DPYD: variants seen among roughly 807,000 people sequenced by gnomAD.
The protein encoded by DPYD is dihydropyrimidine dehydrogenase [NADP(+)].
A neutral mutation model predicts 116.2 loss-of-function variants in DPYD; 109 were observed. The ratio of observed to expected loss-of-function variants is 0.94; its 90% CI spans 0.80 to 1.10. The LOEUF is 1.10. DPYD is among the 50% of genes least tolerant of loss of function. The probability of loss-of-function intolerance (pLI) is 0.00; values close to 1 mark genes in which losing one functional copy is unlikely to be tolerated. For missense variants in DPYD, 1,302 were observed against 1,254.5 expected (o/e 1.04, Z -0.57); for synonymous variants, 440 against 432.0 (o/e 1.02, Z -0.23).
At chr1:97,308,044 C>T (rs2101046519) in intron 16 of DPYD, among the ~76,000 whole-genome samples, 1 of 151,800 alleles carries the variant, frequency 6.6e-6, no homozygotes, top group South Asian at 2.1e-4. Context: ...TATTTGGTTC[C>T]AATAGAGTAA....
In DPYD at chr1:97,464,283, TAAAG is replaced by T. The variant is rs146215748; in HGVS notation, c.1741-14064_1741-14061del. Among the ~76,000 whole-genome samples, 301 of 116,164 alleles carry T rather than the reference TAAAG, an allele frequency of 2.6e-3. 4 individuals are homozygous for T. The highest frequency in any genetic ancestry group is 7.2e-3 in the African/African-American group (241 of 33,244). The allele number at this position is 116,164 out of a possible 152,430, so 76.2% of individuals were successfully genotyped here. On this transcript the variant is annotated intron_variant, in intron 13 of 22. Transcript: ENST00000370192. ...TAAAATAAAATAAAATAAAATAAAA[TAAAG>T]AAAAGAAAATTTTCAACCTGGCAAT...
chr1:97,638,502 G>C (rs909293894), intron 8 of DPYD, among the ~76,000 whole-genome samples: 2 of 152,230 alleles, frequency 1.3e-5, no homozygotes, highest in Non-Finnish European at 2.9e-5. Flanking sequence ...GAAAATTCAA[G>C]AATTAAGTTG....
chr1:97,389,019 A>C (rs1264268073), intron 14 of DPYD, among the ~76,000 whole-genome samples: 1 of 152,150 alleles, frequency 6.6e-6, no homozygotes, highest in Non-Finnish European at 1.5e-5. Context: ...TTCGATGTGG[A>C]AAAAGTAAAA....
chr1:97,822,388 T>A (rs968742638), intron 3 of DPYD, among the ~76,000 whole-genome samples: 1 of 144,056 alleles, frequency 6.9e-6, no homozygotes, highest in Non-Finnish European at 1.6e-5. Context: ...AATATGAATA[T>A]ATAAATAATA....
intron 8 of DPYD, among the ~76,000 whole-genome samples, chr1:97,663,482 C>T (rs1451674559): frequency 6.6e-6 from 1 of 152,176 alleles, no homozygotes; most frequent in African/African-American, 2.4e-5. Flanking sequence ...GTTTCCTGCT[C>T]TCAGCTCTTG....
intron 14 of DPYD, among the ~76,000 whole-genome samples, chr1:97,419,075 T>A (rs1029118748): frequency 1.3e-5 from 2 of 152,148 alleles, no homozygotes; most frequent in Non-Finnish European, 2.9e-5. Context: ...CTTTTTCTTA[T>A]CTAAGTGCTT....
At chr1:97,338,229 T>A (rs1669404992) in intron 16 of DPYD, among the ~76,000 whole-genome samples, 1 of 152,172 alleles carries the variant, frequency 6.6e-6, no homozygotes, top group Admixed American at 6.5e-5. Flanking sequence ...TAAAAAAAAT[T>A]GTATACGGTA....
chr1:97,121,824 A>C lies in DPYD; in HGVS notation c.2623-23192T>G, dbSNP rs373143312. 1.6e-3 allele frequency among the ~76,000 whole-genome samples: 243 copies of C among 152,294 alleles called. 4 individuals are homozygous for C. In the South Asian group the frequency reaches 0.049, roughly 31 times the overall value. On this transcript the variant is annotated intron_variant, in intron 20 of 22. Coordinates refer to ENST00000370192, the MANE Select transcript of DPYD (RefSeq NM_000110.4). ...TTGGGCTCGAAAAAAGGCTTCAGCT[A>C]TTAGTCCAGCATGCTGTAAGCAAAG...
chr1:97,799,756 C>A (rs1326720263), intron 3 of DPYD, among the ~76,000 whole-genome samples: 1 of 151,904 alleles, frequency 6.6e-6, no homozygotes, highest in Non-Finnish European at 1.5e-5. Context: ...AAAAGATAAT[C>A]TTCAATAAAT....
At position 97,546,765 on chromosome 1, in the gene DPYD, T is replaced by A; in HGVS notation, c.1524+2795A>T. ...GCAAGCCTGGAAATTATCAGTATAC[T>A]GTGTTTCTGAGATCAGACTCCTATA... On this transcript the variant is annotated intron_variant, in intron 12 of 22. Transcript: ENST00000370192. The A allele has an allele frequency of 5.6e-6, 9 of 1,613,194 alleles. No individual in the cohort carries two copies. In the South Asian group the frequency reaches 9.9e-5, roughly 18 times the overall value.
chr1:97,193,395 G>T (rs1557927702), intron 19 of DPYD, 147 bp from the exon 20 acceptor site: 2 of 812,452 alleles, frequency 2.5e-6, no homozygotes, highest in East Asian at 2.7e-5. Flanking sequence ...GGAGATGGGG[G>T]TGGTGGGGAG....
intron 3 of DPYD, among the ~76,000 whole-genome samples, chr1:97,757,799 G>C (rs988088137): frequency 1.3e-5 from 2 of 152,074 alleles, no homozygotes; most frequent in East Asian, 3.9e-4. Flanking sequence ...CAGCTTCCAA[G>C]ACAAGTATTC....
At chr1:97,520,960 G>T (rs747692116) in intron 12 of DPYD, among the ~76,000 whole-genome samples, 2 of 152,082 alleles carry the variant, frequency 1.3e-5, no homozygotes, top group African/African-American at 4.8e-5. Context: ...CTTTATAGTA[G>T]AATGATTTAT....
chr1:97,689,278 G>T (rs530542916), intron 7 of DPYD, among the ~76,000 whole-genome samples: 1 of 151,966 alleles, frequency 6.6e-6, no homozygotes, highest in East Asian at 1.9e-4. Flanking sequence ...ATAGTTGGGA[G>T]TGAAGATAAA....
chr1:97,189,169 A>AGTGAG (rs1658191805), intron 20 of DPYD, among the ~76,000 whole-genome samples: 2 of 152,290 alleles, frequency 1.3e-5, no homozygotes, highest in African/African-American at 4.8e-5. Flanking sequence ...GGGTAAGAAA[A>AGTGAG]GTGAGGTTAT....
At chr1:97,896,422 G>A (rs997834610) in intron 1 of DPYD, among the ~76,000 whole-genome samples, 5 of 151,754 alleles carry the variant, frequency 3.3e-5, no homozygotes, top group South Asian at 2.1e-4. Context: ...AAGTCTCACC[G>A]ATGATGTGCA....
At chr1:97,904,067 A>T (rs1021834873) in intron 1 of DPYD, among the ~76,000 whole-genome samples, 34 of 151,866 alleles carry the variant, frequency 2.2e-4, no homozygotes, top group African/African-American at 7.7e-4. Flanking sequence ...ACCCCAGGGT[A>T]ATCAGGAAGG....
chr1:97,887,899 G>A lies in DPYD; in HGVS notation c.40-4525C>T, dbSNP rs564387033. ...TTTTATAAGTGACTTTTCCGTCTTT[G>A]CTAAGCACTTCTTCCTGCTGTCATG... is the stretch of plus-strand genomic sequence containing the variant. On this transcript the variant is annotated intron_variant, in intron 1 of 22. Transcript: ENST00000370192. Among the ~76,000 whole-genome samples, 184 of 152,100 alleles carry A rather than the reference G, an allele frequency of 1.2e-3. 1 individual carries two copies. The highest frequency in any genetic ancestry group is 2.1e-3 in the Non-Finnish European group (144 of 67,972).
intron 11 of DPYD, among the ~76,000 whole-genome samples, chr1:97,568,341 C>T (rs1364589460): frequency 2.0e-5 from 3 of 152,010 alleles, no homozygotes; most frequent in Non-Finnish European, 4.4e-5. Flanking sequence ...TTAATAATAA[C>T]ATCTGTAACT....
Sources: allele counts gnomAD v4.1 joint callset (sites outside exome capture counted in the v4.1 genomes callset), GRCh38; gene constraint gnomAD v4.1.1; transcripts MANE v1.5; gene names NCBI Gene and HGNC (gene_info 2026-07-23, HGNC 2026-07-21).